The following PCYT1A variants were observed in gnomAD, a reference collection of about 807,000 sequenced individuals.
PCYT1A encodes the protein choline-phosphate cytidylyltransferase A.
PCYT1A carries 25 observed loss-of-function variants against 43.7 expected under a neutral mutation model. The ratio of observed to expected loss-of-function variants is 0.57; its 90% CI spans 0.42 to 0.80. The LOEUF (loss-of-function observed/expected upper bound fraction) is 0.80. PCYT1A is among the 30% of genes least tolerant of loss of function. The pLI, the probability that PCYT1A is intolerant of heterozygous loss-of-function variation, is 0.00. For synonymous variants in PCYT1A, 172 were observed against 170.7 expected (o/e 1.01, Z -0.06); for missense variants, 421 against 474.2 (o/e 0.89, Z 1.04).
rs780722967 is a variant in PCYT1A at position 196,247,546 on chromosome 3, T to C, written c.335-28A>G. The C allele has an allele frequency of 6.2e-6, 10 of 1,612,188 alleles. No individual in the cohort carries two copies. In the South Asian group the frequency reaches 1.1e-4, roughly 18 times the overall value. On this transcript the variant is annotated intron_variant, in intron 4 of 8. Transcript: ENST00000431016. This position sits in a 1 kb window ranked among gnomAD's most constrained non-coding sequence, Gnocchi z 4.8. ...GGTTCACCACATCATAAATTGTGTG[T>C]TGGAGTCCTCTTTGCTTAGCACCTC... is the stretch of plus-strand genomic sequence containing the variant.
At chr3:196,276,956 G>A (rs2108780810) in intron 1 of PCYT1A, among the ~76,000 whole-genome samples, 1 of 150,992 alleles carries the variant, frequency 6.6e-6, no homozygotes, top group East Asian at 2.0e-4. Flanking sequence ...AAGGCCACAT[G>A]CAGTGGTTCA....
intron 5 of PCYT1A, among the ~76,000 whole-genome samples, chr3:196,245,148 T>C (rs1724522056): frequency 6.6e-6 from 1 of 151,714 alleles, no homozygotes; most frequent in Non-Finnish European, 1.5e-5. Flanking sequence ...CACTACTTTT[T>C]TTTTTTTTTT....
At position 196,236,831 on chromosome 3, in the gene PCYT1A, T is replaced by G. The variant is rs916871363; in HGVS notation, c.*1857A>C. On this transcript the variant is annotated 3_prime_UTR_variant, in exon 9 of 9. Coordinates refer to ENST00000431016, the MANE Select transcript of PCYT1A (RefSeq NM_001312673.2). ...ACAGGTGCCCACCACCACGCCTGGCTAATTTTTGTATTTTTAGTAGAGATG... is the reference window on the plus strand; with the variant it reads ...ACAGGTGCCCACCACCACGCCTGGCGAATTTTTGTATTTTTAGTAGAGATG... 2.6e-5 allele frequency: 4 copies of G among 152,204 alleles called. No homozygotes were observed. Among genetic ancestry groups the G allele is most frequent in the African/African-American group, 9.7e-5 (4 of 41,436 alleles). 9.4% of individuals were successfully genotyped at this position (152,204 alleles called of 1,614,324 possible). A position where few individuals can be genotyped will look rare whatever the true frequency, so the allele number is the denominator to read the frequency against.
intron 7 of PCYT1A, among the ~76,000 whole-genome samples, chr3:196,241,152 A>C (rs1216907990): frequency 7.4e-5 from 11 of 149,412 alleles, no homozygotes; most frequent in Non-Finnish European, 1.3e-4. Flanking sequence ...AAAAAAAAAA[A>C]AAAAAAAAAA....
At chr3:196,267,371 G>A (rs1456784032) in intron 2 of PCYT1A, 1 of 454,984 alleles carries the variant, frequency 2.2e-6, no homozygotes, top group Admixed American at 2.4e-5. Context: ...AGAGACTGGG[G>A]GGAAATGGGG....
At chr3:196,248,461 T>C (rs938717695) in intron 3 of PCYT1A, 138 bp from the exon 4 acceptor site, 6 of 506,342 alleles carry the variant, frequency 1.2e-5, no homozygotes, top group Admixed American at 8.9e-5. Flanking sequence ...AACTTCCGCC[T>C]CCTGGGTTCA....
At chr3:196,259,282 T>C (rs942660730) in intron 2 of PCYT1A, among the ~76,000 whole-genome samples, 16 of 152,204 alleles carry the variant, frequency 1.1e-4, no homozygotes, top group African/African-American at 3.9e-4. Context: ...TATTAAGATT[T>C]TCTCCTTTGT....
intron 1 of PCYT1A, among the ~76,000 whole-genome samples, chr3:196,286,678 C>T (rs891636055): frequency 2.6e-5 from 4 of 152,190 alleles, no homozygotes; most frequent in Non-Finnish European, 1.5e-5. Flanking sequence ...TTTTGGGAGG[C>T]CTAGGCGGGT....
chr3:196,259,775 G>A (rs1339505410), intron 2 of PCYT1A, among the ~76,000 whole-genome samples: 2 of 151,110 alleles, frequency 1.3e-5, no homozygotes, highest in African/African-American at 4.9e-5. Context: ...AGCCAGGGAG[G>A]CAGGGGTTAC....
chr3:196,241,158 A>AAAC (rs1724338968), intron 7 of PCYT1A, among the ~76,000 whole-genome samples: 1 of 119,132 alleles, frequency 8.4e-6, no homozygotes, highest in African/African-American at 3.1e-5. Context: ...AAAAAAAAAA[A>AAAC]AAAAATTAGC....
At chr3:196,258,153 GCAGGCACCTGTAATCC>G (rs1421554375) in intron 2 of PCYT1A, among the ~76,000 whole-genome samples, 1 of 151,946 alleles carries the variant, frequency 6.6e-6, no homozygotes, top group Non-Finnish European at 1.5e-5. Context: ...TGGTGTGGTG[GCAGGCACCTGTAATCC>G]CAGCTACTCA....
chr3:196,260,610 A>C (rs1187707356), intron 2 of PCYT1A, among the ~76,000 whole-genome samples: 1 of 152,200 alleles, frequency 6.6e-6, no homozygotes, highest in African/African-American at 2.4e-5. Flanking sequence ...TGGGAGGCCG[A>C]GGCGGGTAGA....
chr3:196,270,062 A>G (rs66487782), intron 2 of PCYT1A, among the ~76,000 whole-genome samples: 55,777 of 151,870 alleles, frequency 0.37, 10,955 homozygotes, highest in East Asian at 0.81. Context: ...TAGTAAAGAC[A>G]GGGTTTCACC....
chr3:196,244,114 T>C (rs1724467569), intron 5 of PCYT1A, among the ~76,000 whole-genome samples: 2 of 130,182 alleles, frequency 1.5e-5, no homozygotes, highest in African/African-American at 5.8e-5. Flanking sequence ...CCGCCCCATC[T>C]GGGATGTGAG....
chr3:196,268,751 C>T lies in PCYT1A; in HGVS notation c.117+1664G>A, dbSNP rs1268669360. 6.6e-6 allele frequency among the ~76,000 whole-genome samples: 1 copy of T among 152,126 alleles called. No homozygotes were observed. The highest frequency in any genetic ancestry group is 1.5e-5 in the Non-Finnish European group (1 of 68,026). The stretch of plus-strand genomic sequence containing the variant: ...CAGACGTTGCAGTGAACCGGGACCG[C>T]ACCACTGCACTCCAGCCTGGGTGAC... On this transcript the variant is annotated intron_variant, in intron 2 of 8. Transcript: ENST00000431016. This position sits in a 1 kb window ranked among gnomAD's most constrained non-coding sequence, Gnocchi z 4.4.
chr3:196,267,052 G>A (rs1399038559), intron 2 of PCYT1A, among the ~76,000 whole-genome samples: 1 of 151,710 alleles, frequency 6.6e-6, no homozygotes, highest in African/African-American at 2.4e-5. Flanking sequence ...GGTGGCTGGC[G>A]CCTGTAATCC....
chr3:196,238,541 T>A lies in PCYT1A; in HGVS notation c.*147A>T. On this transcript the variant is annotated 3_prime_UTR_variant, in exon 9 of 9. Coordinates refer to ENST00000431016, the MANE Select transcript of PCYT1A (RefSeq NM_001312673.2). ...CACTTGCAGGACAGGCTGTTTGGGT[T>A]CCCCCAGTCCTAGGTCTTCTTTCCC... 1.8e-6 allele frequency: 1 copy of A among 542,132 alleles called. No homozygotes were observed. The highest frequency in any genetic ancestry group is 3.2e-6 in the Non-Finnish European group (1 of 313,700). 33.6% of individuals were successfully genotyped at this position (542,132 alleles called of 1,614,324 possible).
Position 196,247,631 on chromosome 3 carries a change from A to C in PCYT1A, c.335-113T>G. ...CTTAGGACTGCAACCATCTTCCCCA[A>C]CTGGAAAAAAGTCTTCTAAAGGTGG... On this transcript the variant is annotated intron_variant, in intron 4 of 8. Coordinates refer to ENST00000431016, the MANE Select transcript of PCYT1A (RefSeq NM_001312673.2). This position sits in a 1 kb window ranked among gnomAD's most constrained non-coding sequence, Gnocchi z 4.8. 1.9e-6 allele frequency: 2 copies of C among 1,062,500 alleles called. No homozygotes were observed. The highest frequency in any genetic ancestry group is 2.9e-6 in the Non-Finnish European group (2 of 693,262). 65.8% of individuals were successfully genotyped at this position (1,062,500 alleles called of 1,614,324 possible). A position where few individuals can be genotyped will look rare whatever the true frequency, so the allele number is the denominator to read the frequency against.
intron 2 of PCYT1A, among the ~76,000 whole-genome samples, chr3:196,266,860 G>C (rs942768996): frequency 6.6e-6 from 1 of 151,862 alleles, no homozygotes; most frequent in Non-Finnish European, 1.5e-5. Flanking sequence ...CTGGGCAACA[G>C]AGTGAGACTC....
Sources: allele counts gnomAD v4.1 joint callset (sites outside exome capture counted in the v4.1 genomes callset), GRCh38; gene constraint gnomAD v4.1.1; non-coding constraint Gnocchi (gnomAD v3.1); transcripts MANE v1.5; gene names NCBI Gene and HGNC (gene_info 2026-07-23, HGNC 2026-07-21).